ARK2N: variants seen among roughly 807,000 people sequenced by gnomAD.
The protein encoded by ARK2N is protein ARK2N.
the ARK2N span, among the ~76,000 whole-genome samples, chr18:46,175,829 AT>A: frequency 0.017 from 2,642 of 152,154 alleles, 71 homozygotes; most frequent in African/African-American, 0.06. Flanking sequence ...GGGAAAAAAA[AT>A]TTTTTCTGAC....
At chr18:46,187,382 C>T in the ARK2N span, among the ~76,000 whole-genome samples, 2 of 150,430 alleles carry the variant, frequency 1.3e-5, no homozygotes. Flanking sequence ...TGCTCTGTCA[C>T]CCGGGCTGGA....
the ARK2N span, among the ~76,000 whole-genome samples, chr18:46,238,195 G>A: frequency 6.6e-6 from 1 of 152,124 alleles, no homozygotes; most frequent in African/African-American, 2.4e-5. Flanking sequence ...GGTAGGGGTG[G>A]AGAATATGAG....
At chr18:46,239,562 A>G in the ARK2N span, among the ~76,000 whole-genome samples, 10 of 152,204 alleles carry the variant, frequency 6.6e-5, no homozygotes, top group African/African-American at 1.9e-4. Flanking sequence ...TTCTGAATCT[A>G]CTAGAGACTT....
the ARK2N span, among the ~76,000 whole-genome samples, chr18:46,183,246 A>C: frequency 6.6e-6 from 1 of 152,182 alleles, no homozygotes; most frequent in African/African-American, 2.4e-5. Context: ...ATTAGTTACA[A>C]AAGAAGTTTT....
At chr18:46,243,756 A>G in the ARK2N span, among the ~76,000 whole-genome samples, 3 of 152,212 alleles carry the variant, frequency 2.0e-5, no homozygotes, top group African/African-American at 7.2e-5. Context: ...TAAATTATAT[A>G]AAGCCTCAGT....
chr18:46,192,662 G>T, the ARK2N span, among the ~76,000 whole-genome samples: 1 of 151,332 alleles, frequency 6.6e-6, no homozygotes, highest in Non-Finnish European at 1.5e-5. Flanking sequence ...TGCCTCCCAG[G>T]TTCAAGCGAT....
chr18:46,259,086 GTGTT>G, the ARK2N span, among the ~76,000 whole-genome samples: 2 of 151,946 alleles, frequency 1.3e-5, no homozygotes, highest in African/African-American at 2.4e-5. Context: ...TTTATTCAGT[GTGTT>G]TGAGATCATT....
the ARK2N span, among the ~76,000 whole-genome samples, chr18:46,226,487 G>A: frequency 1.3e-5 from 2 of 152,162 alleles, no homozygotes; most frequent in African/African-American, 4.8e-5. Flanking sequence ...TAAATTGCTA[G>A]TGACTAAGTT....
At chr18:46,206,759 C>T in the ARK2N span, among the ~76,000 whole-genome samples, 2 of 152,052 alleles carry the variant, frequency 1.3e-5, no homozygotes, top group Non-Finnish European at 2.9e-5. Flanking sequence ...CTCCTCCTCT[C>T]TCTGCCATAG....
chr18:46,209,703 C>T, the ARK2N span, among the ~76,000 whole-genome samples: 236 of 152,246 alleles, frequency 1.6e-3, no homozygotes, highest in African/African-American at 5.2e-3. Context: ...TCAAGTGATT[C>T]TTCTGCCTCA....
chr18:46,221,042 G>T, the ARK2N span, among the ~76,000 whole-genome samples: 1 of 152,048 alleles, frequency 6.6e-6, no homozygotes, highest in Non-Finnish European at 1.5e-5. Flanking sequence ...AGGCTGGTGT[G>T]GGAGGATTGC....
At chr18:46,209,257 A>C in the ARK2N span, among the ~76,000 whole-genome samples, 1 of 148,512 alleles carries the variant, frequency 6.7e-6, no homozygotes, top group Non-Finnish European at 1.5e-5. Flanking sequence ...TCTCTGTCAG[A>C]TTCTCTGTAG....
chr18:46,263,436 A>T, the ARK2N span: 1 of 203,200 alleles, frequency 4.9e-6, no homozygotes, highest in African/African-American at 2.3e-5. Flanking sequence ...TAATATTTTA[A>T]TTGCCAGGCA....
At chr18:46,174,714 A>G in the ARK2N span, among the ~76,000 whole-genome samples, 2 of 152,054 alleles carry the variant, frequency 1.3e-5, no homozygotes, top group Non-Finnish European at 2.9e-5. Context: ...TGCGGGGGGA[A>G]GCGACTTCAC....
the ARK2N span, among the ~76,000 whole-genome samples, chr18:46,209,381 C>G: frequency 2.0e-5 from 3 of 149,554 alleles, no homozygotes; most frequent in Non-Finnish European, 4.4e-5. Context: ...CTGATATGAA[C>G]TTCCTCAACT....
At chr18:46,191,274 C>G in the ARK2N span, among the ~76,000 whole-genome samples, 54 of 152,058 alleles carry the variant, frequency 3.6e-4, no homozygotes, top group African/African-American at 1.2e-3. Context: ...GCCCTATTAA[C>G]ATATTGCATT....
chr18:46,214,389 C>T, the ARK2N span, among the ~76,000 whole-genome samples: 1 of 152,124 alleles, frequency 6.6e-6, no homozygotes, highest in Non-Finnish European at 1.5e-5. Flanking sequence ...ACTTGTTTTC[C>T]ATATTTAGCA....
the ARK2N span, among the ~76,000 whole-genome samples, chr18:46,209,231 T>C: frequency 2.0e-5 from 3 of 152,196 alleles, no homozygotes; most frequent in African/African-American, 7.2e-5. Flanking sequence ...TGAATTATTG[T>C]ACTCAGCAGT....
the ARK2N span, among the ~76,000 whole-genome samples, chr18:46,228,295 A>C: frequency 6.6e-6 from 1 of 152,210 alleles, no homozygotes; most frequent in Non-Finnish European, 1.5e-5. Context: ...ATTTAATTTC[A>C]TCATGTTAAG....
Sources: gnomAD v4.1 joint callset for allele counts (sites outside exome capture counted in the v4.1 genomes callset) on GRCh38, gnomAD v4.1.1 for gene constraint, MANE v1.5 for transcripts, NCBI Gene and HGNC (gene_info 2026-07-23, HGNC 2026-07-21) for gene names.